The following RNGTT variants were observed in gnomAD, a reference collection of about 807,000 sequenced individuals.
RNGTT encodes mRNA-capping enzyme.
A neutral mutation model predicts 79.3 loss-of-function variants in RNGTT; 33 were observed. The observed-to-expected ratio is 0.42, with a 90% confidence interval of 0.32 to 0.56. The LOEUF (loss-of-function observed/expected upper bound fraction) is 0.56. RNGTT is among the 20% of genes least tolerant of loss of function. The pLI is 0.17. For missense variants in RNGTT, 497 were observed against 739.1 expected, an observed-to-expected ratio of 0.67 and a Z score of 3.80; for synonymous variants, 222 against 235.9, an observed-to-expected ratio of 0.94 and a Z score of 0.54.
chr6:88,858,502 C>T (rs1168697247), intron 8 of RNGTT, among the ~76,000 whole-genome samples: 3 of 151,868 alleles, frequency 2.0e-5, no homozygotes, highest in Non-Finnish European at 4.4e-5. Context: ...GGAATTCATG[C>T]ATAGCTGATA....
chr6:88,618,593 T>C (rs1772319739), intron 14 of RNGTT, among the ~76,000 whole-genome samples: 1 of 152,194 alleles, frequency 6.6e-6, no homozygotes, highest in Non-Finnish European at 1.5e-5. Context: ...AGATTTCACA[T>C]CTGTACCCCA....
intron 13 of RNGTT, among the ~76,000 whole-genome samples, chr6:88,756,028 T>C (rs1448308888): frequency 7.3e-6 from 1 of 136,680 alleles, no homozygotes; most frequent in Non-Finnish European, 1.6e-5. Context: ...TTTCAAGTAA[T>C]AACAGAGAAA....
chr6:88,616,681 C>CTTTCTTCAGTATAT (rs1473908054), intron 14 of RNGTT, among the ~76,000 whole-genome samples: 3 of 152,134 alleles, frequency 2.0e-5, no homozygotes, highest in Non-Finnish European at 2.9e-5. Flanking sequence ...TGGCTGTATA[C>CTTTCTTCAGTATAT]TTTCTTCAGT....
intron 11 of RNGTT, among the ~76,000 whole-genome samples, chr6:88,828,292 A>T (rs926610800): frequency 2.0e-5 from 3 of 152,202 alleles, no homozygotes; most frequent in African/African-American, 7.2e-5. Flanking sequence ...AGAGCTGCAG[A>T]AGAGGGGCCT....
In RNGTT at chr6:88,722,635, C is replaced by G. The variant is rs538126606; in HGVS notation, c.1440-44216G>C. On this transcript the variant is annotated intron_variant, in intron 13 of 15. Transcript: ENST00000369485. Reference sequence around the variant, plus strand: ...TGCTGGTGACCTAGTCTTAGGGCAACCTTAATATTTTGACGGGTTTTATTT... The same window carrying G: ...TGCTGGTGACCTAGTCTTAGGGCAAGCTTAATATTTTGACGGGTTTTATTT... Among the ~76,000 whole-genome samples, 15 of 152,250 alleles carry G rather than the reference C, an allele frequency of 9.9e-5. No homozygotes were observed. The South Asian group carries it at 2.3e-3, about 23-fold the overall frequency.
At chr6:88,668,654 T>C (rs1347856872) in intron 14 of RNGTT, among the ~76,000 whole-genome samples, 2 of 152,228 alleles carry the variant, frequency 1.3e-5, no homozygotes, top group Admixed American at 6.5e-5. Context: ...ACCAACCTCA[T>C]GTGTCTTACA....
chr6:88,933,794 C>T (rs1160730883), intron 2 of RNGTT, among the ~76,000 whole-genome samples: 5 of 152,164 alleles, frequency 3.3e-5, no homozygotes, highest in Non-Finnish European at 7.3e-5. Context: ...ATATATGCCA[C>T]ATTTTCTTTA....
At chr6:88,681,635 A>G (rs1050892088) in intron 13 of RNGTT, among the ~76,000 whole-genome samples, 7 of 152,304 alleles carry the variant, frequency 4.6e-5, no homozygotes, top group African/African-American at 1.7e-4. Flanking sequence ...ACACTTCATC[A>G]TGCACGGTGC....
At chr6:88,751,563 A>T (rs1201859339) in intron 13 of RNGTT, among the ~76,000 whole-genome samples, 1 of 152,254 alleles carries the variant, frequency 6.6e-6, no homozygotes, top group East Asian at 1.9e-4. Context: ...CATGTTTCTG[A>T]AACCTGTAGT....
Position 88,850,568 on chromosome 6 carries a change from T to C in RNGTT, c.1033-742A>G, listed in dbSNP as rs529154649. 6.1e-4 allele frequency among the ~76,000 whole-genome samples: 93 copies of C among 151,866 alleles called. 1 individual carries two copies. The highest frequency in any genetic ancestry group is 2.1e-4 in the Non-Finnish European group (14 of 67,830). ...TAGGTTTTCTTGCTATCTAATTTTA[T>C]AACAGAAATTCCATGTACAACCATC... On this transcript the variant is annotated intron_variant, in intron 9 of 15. Coordinates refer to ENST00000369485, the MANE Select transcript of RNGTT (RefSeq NM_003800.5).
chr6:88,670,750 T>G (rs1261403350), intron 14 of RNGTT, among the ~76,000 whole-genome samples: 1 of 152,034 alleles, frequency 6.6e-6, no homozygotes, highest in Admixed American at 6.5e-5. Context: ...CTCTCAGTCA[T>G]GTAGCCCCCA....
intron 8 of RNGTT, among the ~76,000 whole-genome samples, chr6:88,857,384 T>TA (rs923796511): frequency 8.3e-4 from 126 of 152,248 alleles, no homozygotes; most frequent in African/African-American, 2.9e-3. Context: ...TCTTATACTC[T>TA]ATGAAGGCAG....
In RNGTT at chr6:88,847,900, G is replaced by A. The variant is rs569551188; in HGVS notation, c.1104+1855C>T. Among the ~76,000 whole-genome samples, 31 of 151,208 alleles carry A rather than the reference G, an allele frequency of 2.1e-4. No homozygotes were observed. In the South Asian group the frequency reaches 6.0e-3, roughly 29 times the overall value. On this transcript the variant is annotated intron_variant, in intron 10 of 15. Coordinates refer to ENST00000369485, the MANE Select transcript of RNGTT (RefSeq NM_003800.5). ...ATATTAAGAAGAAAAAAAAGAGACA[G>A]AAAACCAAATAGAACAAACTTGCAA...
intron 11 of RNGTT, among the ~76,000 whole-genome samples, chr6:88,813,213 C>T (rs560473763): frequency 1.3e-5 from 2 of 152,272 alleles, no homozygotes; most frequent in African/African-American, 4.8e-5. Flanking sequence ...GGCGTTTGCA[C>T]AGAACGAACT....
At chr6:88,955,734 C>A (rs1249378177) in intron 1 of RNGTT, among the ~76,000 whole-genome samples, 2 of 151,882 alleles carry the variant, frequency 1.3e-5, no homozygotes, top group African/African-American at 4.8e-5. Context: ...CAAACATCCA[C>A]AAAAGATTAA....
intron 2 of RNGTT, among the ~76,000 whole-genome samples, chr6:88,935,464 A>G (rs10944416): frequency 0.052 from 7,874 of 152,262 alleles, 311 homozygotes; most frequent in African/African-American, 0.1. Context: ...ATGTAATCCT[A>G]GCACATTGGG....
intron 12 of RNGTT, among the ~76,000 whole-genome samples, chr6:88,780,305 T>G (rs2127848666): frequency 6.6e-6 from 1 of 152,286 alleles, no homozygotes; most frequent in East Asian, 1.9e-4. Context: ...GCTAACAATA[T>G]TTATGAAAGA....
intron 13 of RNGTT, among the ~76,000 whole-genome samples, chr6:88,713,663 T>C (rs551496894): frequency 1.3e-5 from 2 of 152,258 alleles, no homozygotes; most frequent in Non-Finnish European, 2.9e-5. Context: ...TATCACATTT[T>C]TCTTTACATT....
intron 11 of RNGTT, among the ~76,000 whole-genome samples, chr6:88,831,491 C>T (rs1465307315): frequency 1.3e-5 from 2 of 152,064 alleles, no homozygotes; most frequent in South Asian, 2.1e-4. Flanking sequence ...TCATACTACA[C>T]GGGCAAAAGC....
Sources: allele counts gnomAD v4.1 joint callset (sites outside exome capture counted in the v4.1 genomes callset), GRCh38; gene constraint gnomAD v4.1.1; transcripts MANE v1.5; gene names NCBI Gene and HGNC (gene_info 2026-07-23, HGNC 2026-07-21).